WDPCP: variants seen among roughly 807,000 people sequenced by gnomAD.
The protein encoded by WDPCP is WD repeat-containing and planar cell polarity effector protein fritz homolog.
In WDPCP, 71 loss-of-function variants were observed where a neutral mutation model predicts 93.1. The ratio of observed to expected loss-of-function variants is 0.76; its 90% confidence interval spans 0.63 to 0.93. The LOEUF is 0.93. Ranked by LOEUF, WDPCP falls within the 40% of genes least tolerant of loss-of-function variation. The pLI, the probability that WDPCP is intolerant of heterozygous loss-of-function variation, is 0.00. For synonymous variants in WDPCP, 315 were observed against 315.0 expected (o/e 1.00, Z 0.00); for missense variants, 844 against 887.4 (o/e 0.95, Z 0.62).
At chr2:63,657,205 G>GTT (rs61597471) in intron 2 of WDPCP, among the ~76,000 whole-genome samples, 23,884 of 114,010 alleles carry the variant, frequency 0.21, 4,168 homozygotes, top group Non-Finnish European at 0.28. Flanking sequence ...TCTGGGTGAT[G>GTT]TTTTTTTTTT....
intron 1 of WDPCP, chr2:63,827,499 CT>C (rs953296992): frequency 5.7e-4 from 87 of 152,204 alleles, no homozygotes; most frequent in African/African-American, 2.0e-3. Flanking sequence ...ATCATGGATT[CT>C]ATAATAATTT....
In WDPCP at chr2:63,201,731, T is replaced by G. The variant is rs374164111; in HGVS notation, c.1916-26899A>C. On this transcript the variant is annotated intron_variant, in intron 14 of 17. Coordinates refer to ENST00000272321, the MANE Select transcript of WDPCP (RefSeq NM_015910.7). ...TCTAAGGTAATTTGTCATTTAGGAC[T>G]TAATGTTAGTCTGGTAAACCGTAAT... Among the ~76,000 whole-genome samples the G allele has an allele frequency of 1.5e-3, 229 of 152,334 alleles. 7 individuals carry two copies. The South Asian group carries it at 0.046, about 30-fold the overall frequency.
intron 2 of WDPCP, among the ~76,000 whole-genome samples, chr2:63,712,661 G>C (rs1433738536): frequency 6.6e-6 from 1 of 152,166 alleles, no homozygotes. Context: ...CCACTTCAGG[G>C]ACATTTTGTT....
intron 2 of WDPCP, among the ~76,000 whole-genome samples, chr2:63,770,576 T>C (rs996302310): frequency 2.0e-5 from 3 of 151,784 alleles, no homozygotes; most frequent in African/African-American, 7.2e-5. Flanking sequence ...AAAATTATAG[T>C]GGTGTGAATC....
chr2:63,829,547 T>A (rs542397734), upstream of WDPCP, among the ~76,000 whole-genome samples: 1 of 152,288 alleles, frequency 6.6e-6, no homozygotes, highest in East Asian at 1.9e-4. Context: ...TTGCAATTTT[T>A]AAAATTATAT....
At chr2:63,720,728 C>T (rs1669403872) in intron 2 of WDPCP, among the ~76,000 whole-genome samples, 1 of 152,190 alleles carries the variant, frequency 6.6e-6, no homozygotes, top group South Asian at 2.1e-4. Flanking sequence ...TACATACTGT[C>T]TTGTTCTTTG....
At chr2:63,474,037 TGAG>T (rs986149697) in intron 6 of WDPCP, among the ~76,000 whole-genome samples, 22 of 152,168 alleles carry the variant, frequency 1.4e-4, no homozygotes, top group East Asian at 5.8e-4. Flanking sequence ...CTAAGGGCTG[TGAG>T]GAGTACAGTG....
chr2:63,716,727 A>AACCAAT (rs968003806), intron 2 of WDPCP, among the ~76,000 whole-genome samples: 1 of 152,206 alleles, frequency 6.6e-6, no homozygotes, highest in Non-Finnish European at 1.5e-5. Context: ...ACTTTATTGG[A>AACCAAT]AAATAAAAAC....
chr2:63,437,794 G>T, intron 7 of WDPCP: 2 of 1,478,062 alleles, frequency 1.4e-6, no homozygotes, highest in East Asian at 2.3e-5. Context: ...GATATTTGGG[G>T]ACCACCAATG....
intron 15 of WDPCP, among the ~76,000 whole-genome samples, chr2:63,162,488 T>A (rs979408095): frequency 7.9e-5 from 12 of 152,188 alleles, no homozygotes; most frequent in African/African-American, 2.7e-4. Flanking sequence ...TGTTGGGTAT[T>A]TAAAGAGCTG....
intron 12 of WDPCP, among the ~76,000 whole-genome samples, chr2:63,352,075 T>C (rs1203431044): frequency 4.6e-5 from 7 of 152,196 alleles, no homozygotes; most frequent in Admixed American, 1.3e-4. Flanking sequence ...CTTCCTTCTT[T>C]TGAGAAGTGT....
At chr2:63,697,994 T>A (rs1668984415) in intron 2 of WDPCP, among the ~76,000 whole-genome samples, 2 of 134,054 alleles carry the variant, frequency 1.5e-5, no homozygotes, top group African/African-American at 5.6e-5. Flanking sequence ...TGTCGCCTGT[T>A]GCCCAGGCTG....
chr2:63,447,850 C>T (rs1209484339), intron 6 of WDPCP, among the ~76,000 whole-genome samples: 5 of 151,894 alleles, frequency 3.3e-5, no homozygotes, highest in African/African-American at 1.2e-4. Flanking sequence ...CATACACATA[C>T]ACAGATGAGT....
chr2:63,413,972 C>G (rs563914822), intron 9 of WDPCP, among the ~76,000 whole-genome samples: 8 of 141,690 alleles, frequency 5.6e-5, no homozygotes, highest in Non-Finnish European at 1.2e-4. Flanking sequence ...CGACCTCAAA[C>G]AAATCAATAA....
intron 6 of WDPCP, among the ~76,000 whole-genome samples, chr2:63,453,644 C>T (rs1318553398): frequency 3.3e-5 from 5 of 152,096 alleles, no homozygotes; most frequent in Admixed American, 6.5e-5. Context: ...CACATGCACA[C>T]GTATGTTTAT....
chr2:63,775,934 C>T (rs184514491), intron 2 of WDPCP, among the ~76,000 whole-genome samples: 5 of 152,242 alleles, frequency 3.3e-5, no homozygotes, highest in African/African-American at 7.2e-5. Flanking sequence ...TGCAGCAGCT[C>T]ACACCTAAAA....
chr2:63,299,572 G>A (rs1435629406), intron 13 of WDPCP, among the ~76,000 whole-genome samples: 3 of 152,108 alleles, frequency 2.0e-5, no homozygotes. Context: ...CTTCACATTT[G>A]GCCAGTCTGG....
chr2:63,499,219 G>T (rs1229616815), intron 1 of WDPCP, among the ~76,000 whole-genome samples: 2 of 152,146 alleles, frequency 1.3e-5, no homozygotes, highest in Non-Finnish European at 2.9e-5. Flanking sequence ...TTTGAGGATT[G>T]TCAGATTTTG....
At chr2:63,432,387 T>C (rs950668217) in intron 9 of WDPCP, among the ~76,000 whole-genome samples, 2 of 152,130 alleles carry the variant, frequency 1.3e-5, no homozygotes, top group African/African-American at 4.8e-5. Flanking sequence ...TTAATGCACT[T>C]ACACATTTTC....
Sources: gnomAD v4.1 joint callset for allele counts (sites outside exome capture counted in the v4.1 genomes callset) on GRCh38, gnomAD v4.1.1 for gene constraint, MANE v1.5 for transcripts, NCBI Gene and HGNC (gene_info 2026-07-23, HGNC 2026-07-21) for gene names.